The following DGKB variants were observed in gnomAD, a reference collection of about 807,000 sequenced individuals.
The protein encoded by DGKB is diacylglycerol kinase beta, also known as 90 kDa diacylglycerol kinase.
DGKB carries 67 observed loss-of-function variants against 114.3 expected under a neutral mutation model. The ratio of observed to expected loss-of-function variants is 0.59; its 90% CI spans 0.48 to 0.72. DGKB has a LOEUF of 0.72. Among genes scored for constraint, DGKB ranks in the 30% least tolerant of loss-of-function variants. The pLI, the probability that DGKB is intolerant of heterozygous loss-of-function variation, is 0.00. For missense variants in DGKB, 907 were observed against 975.2 expected (o/e 0.93, Z 0.93); for synonymous variants, 398 against 323.1 (o/e 1.23, Z -2.49).
At chr7:14,183,593 C>G (rs1424140959) in intron 23 of DGKB, among the ~76,000 whole-genome samples, 1 of 152,144 alleles carries the variant, frequency 6.6e-6, no homozygotes, top group Non-Finnish European at 1.5e-5. Flanking sequence ...AGGCATTTTT[C>G]CATTTAAGAC....
chr7:14,523,410 G>C (rs56334840), intron 20 of DGKB, among the ~76,000 whole-genome samples: 2,272 of 152,210 alleles, frequency 0.015, 57 homozygotes, highest in African/African-American at 0.052. Flanking sequence ...CTCAGGTGCA[G>C]CCTTCTTAAC....
chr7:14,934,290 C>G (rs1785172227), intron 1 of DGKB, among the ~76,000 whole-genome samples: 1 of 152,046 alleles, frequency 6.6e-6, no homozygotes, highest in South Asian at 2.1e-4. Flanking sequence ...AGAAATATCT[C>G]TTTTTAAAAA....
chr7:14,930,397 T>C (rs1784954519), intron 1 of DGKB, among the ~76,000 whole-genome samples: 1 of 152,152 alleles, frequency 6.6e-6, no homozygotes, highest in Non-Finnish European at 1.5e-5. Flanking sequence ...TTAATCAGTG[T>C]TTTGTAGTTT....
At chr7:14,965,739 T>G (rs1787110429) in intron 1 of DGKB, among the ~76,000 whole-genome samples, 2 of 152,010 alleles carry the variant, frequency 1.3e-5, no homozygotes, top group Admixed American at 1.3e-4. Context: ...GACATCAAAA[T>G]AATATAAAAC....
chr7:14,515,000 C>A, intron 20 of DGKB, among the ~76,000 whole-genome samples: 1 of 152,178 alleles, frequency 6.6e-6, no homozygotes, highest in African/African-American at 2.4e-5. Flanking sequence ...GCCTGCATGA[C>A]AGAGTGAGAA....
Position 14,567,261 on chromosome 7 carries a change from T to TAATATATATA in DGKB, c.1770+6950_1770+6951insTATATATATT, listed in dbSNP as rs1411573993. ...ATATTATATATATTATATATTTATA[T>TAATATATATA]ATTATATATATAATTATATTATATA... On this transcript the variant is annotated intron_variant, in intron 20 of 25. Transcript: ENST00000402815. 9.8e-3 allele frequency among the ~76,000 whole-genome samples: 466 copies of TAATATATATA among 47,360 alleles called. 85 individuals carry two copies. Among genetic ancestry groups the TAATATATATA allele is most frequent in the East Asian group, 0.043 (48 of 1,112 alleles). 31.1% of individuals were successfully genotyped at this position (47,360 alleles called of 152,430 possible). A position where few individuals can be genotyped will look rare whatever the true frequency, so the allele number is the denominator to read the frequency against.
intron 18 of DGKB, 123 bp from the exon 19 acceptor site, chr7:14,581,074 A>G: frequency 1.9e-6 from 1 of 538,130 alleles, no homozygotes. Context: ...AACAAAACAT[A>G]ATTGTAGTTT....
At chr7:14,647,604 C>T (rs1813319020) in intron 13 of DGKB, among the ~76,000 whole-genome samples, 1 of 146,064 alleles carries the variant, frequency 6.8e-6, no homozygotes, top group Non-Finnish European at 1.5e-5. Context: ...AAAGCAAATT[C>T]AACATCACAT....
At chr7:14,597,730 G>A (rs897414629) in intron 17 of DGKB, among the ~76,000 whole-genome samples, 5 of 152,084 alleles carry the variant, frequency 3.3e-5, no homozygotes, top group Non-Finnish European at 5.9e-5. Flanking sequence ...TATTACTTGA[G>A]TCACCTAAGA....
At chr7:14,430,318 T>A (rs1272576389) in intron 21 of DGKB, among the ~76,000 whole-genome samples, 1 of 152,228 alleles carries the variant, frequency 6.6e-6, no homozygotes, top group Non-Finnish European at 1.5e-5. Flanking sequence ...AGATTGTTAA[T>A]TTTTGAGATC....
At chr7:14,569,994 A>C (rs1042678333) in intron 20 of DGKB, among the ~76,000 whole-genome samples, 2 of 151,546 alleles carry the variant, frequency 1.3e-5, no homozygotes, top group Non-Finnish European at 2.9e-5. Flanking sequence ...ATATAAGCAT[A>C]TACTAGTGAA....
At chr7:14,777,474 G>T (rs1238888259) in intron 2 of DGKB, among the ~76,000 whole-genome samples, 1 of 152,082 alleles carries the variant, frequency 6.6e-6, no homozygotes, top group Non-Finnish European at 1.5e-5. Context: ...ACTGAATCAT[G>T]GTGGCAGGTA....
At chr7:14,623,737 CA>C (rs1242289400) in intron 14 of DGKB, among the ~76,000 whole-genome samples, 1 of 152,010 alleles carries the variant, frequency 6.6e-6, no homozygotes, top group Non-Finnish European at 1.5e-5. Flanking sequence ...TAATTTCTGG[CA>C]AAAATATTGA....
At chr7:14,958,426 AACACACACACACACACACACACAC>A (rs754087921) in intron 1 of DGKB, among the ~76,000 whole-genome samples, 5 of 122,858 alleles carry the variant, frequency 4.1e-5, no homozygotes, top group African/African-American at 1.3e-4. Context: ...TACCTCTCCC[AACACACACACACACACACACACAC>A]ACACACACAC....
At chr7:14,638,069 C>T (rs889693356) in intron 13 of DGKB, among the ~76,000 whole-genome samples, 1 of 151,926 alleles carries the variant, frequency 6.6e-6, no homozygotes, top group African/African-American at 2.4e-5. Context: ...TTTTTAAATA[C>T]AATTTAATAT....
At chr7:14,181,148 A>T (rs1782578023) in intron 23 of DGKB, among the ~76,000 whole-genome samples, 1 of 152,228 alleles carries the variant, frequency 6.6e-6, no homozygotes, top group African/African-American at 2.4e-5. Flanking sequence ...ACACAGCCAC[A>T]TTCACTGGTT....
intron 1 of DGKB, among the ~76,000 whole-genome samples, chr7:14,939,229 G>A (rs1460191014): frequency 2.0e-5 from 3 of 151,990 alleles, no homozygotes; most frequent in Admixed American, 2.0e-4. Flanking sequence ...ATTTCTTATT[G>A]TATATGTTTT....
chr7:14,425,802 C>T (rs148093057), intron 21 of DGKB, among the ~76,000 whole-genome samples: 3,131 of 152,198 alleles, frequency 0.021, 51 homozygotes, highest in Non-Finnish European at 0.029. Context: ...ATAGTATCTT[C>T]TTTGGTGCCT....
intron 1 of DGKB, among the ~76,000 whole-genome samples, chr7:14,890,506 C>T (rs548937361): frequency 4.0e-5 from 6 of 151,284 alleles, no homozygotes; most frequent in Admixed American, 1.3e-4. Context: ...GAAGTCCTAG[C>T]ACAAGTGACC....
Sources: gnomAD v4.1 joint callset for allele counts (sites outside exome capture counted in the v4.1 genomes callset) on GRCh38, gnomAD v4.1.1 for gene constraint, MANE v1.5 for transcripts, NCBI Gene and HGNC (gene_info 2026-07-23, HGNC 2026-07-21) for gene names.